The following CACNB4 variants were observed in gnomAD, a reference collection of about 807,000 sequenced individuals.
CACNB4 encodes voltage-dependent L-type calcium channel subunit beta-4.
CACNB4 carries 32 observed loss-of-function variants against 71.2 expected under a neutral mutation model. That is an observed-to-expected ratio of 0.45 (90% CI 0.34 to 0.60). The LOEUF (loss-of-function observed/expected upper bound fraction) is 0.60, where lower values mean the gene tolerates loss of function less well. Ranked by LOEUF, CACNB4 falls within the 20% of genes least tolerant of loss-of-function variation. CACNB4 has a pLI of 0.01. For synonymous variants in CACNB4, 231 were observed against 236.9 expected (o/e 0.97, Z 0.23); for missense variants, 464 against 647.9 (o/e 0.72, Z 3.08).
At chr2:151,864,228 A>G (rs1423059714) in intron 9 of CACNB4, among the ~76,000 whole-genome samples, 1 of 152,172 alleles carries the variant, frequency 6.6e-6, no homozygotes, top group Non-Finnish European at 1.5e-5. Context: ...TAGGTAAAAG[A>G]CTAATAGGAG....
At chr2:151,863,089 G>A (rs901022204) in intron 9 of CACNB4, among the ~76,000 whole-genome samples, 3 of 150,172 alleles carry the variant, frequency 2.0e-5, no homozygotes, top group East Asian at 2.0e-4. Flanking sequence ...TTTTTGAGTC[G>A]GAGTCTCGCT....
At chr2:151,955,846 G>A (rs1296925699) in intron 2 of CACNB4, among the ~76,000 whole-genome samples, 3 of 151,770 alleles carry the variant, frequency 2.0e-5, no homozygotes, top group African/African-American at 7.3e-5. Flanking sequence ...AGGCTGCAGT[G>A]AGCCATGATT....
chr2:151,867,777 G>A (rs2099843536), intron 9 of CACNB4: 3 of 152,154 alleles, frequency 2.0e-5, no homozygotes, highest in South Asian at 4.1e-4. Context: ...TCCAGGCCGG[G>A]CAAGCTGACT....
At chr2:151,959,162 T>C (rs926034092) in intron 2 of CACNB4, among the ~76,000 whole-genome samples, 3 of 152,230 alleles carry the variant, frequency 2.0e-5, no homozygotes, top group Non-Finnish European at 4.4e-5. Context: ...ACACTTTTTA[T>C]ACTTCTAAAG....
intron 2 of CACNB4, among the ~76,000 whole-genome samples, chr2:151,993,422 G>A (rs1345266205): frequency 1.3e-5 from 2 of 152,140 alleles, no homozygotes; most frequent in African/African-American, 4.8e-5. Context: ...AAGTGCCAAA[G>A]CAAGGATGAA....
chr2:152,001,526 TAAAAAAA>T (rs70974816), intron 2 of CACNB4, among the ~76,000 whole-genome samples: 2 of 35,466 alleles, frequency 5.6e-5, no homozygotes, highest in African/African-American at 9.8e-5. Flanking sequence ...CCATCTCTAC[TAAAAAAA>T]AAAAAAAAAA....
intron 2 of CACNB4, among the ~76,000 whole-genome samples, chr2:151,902,126 C>T (rs2099853614): frequency 6.6e-6 from 1 of 151,398 alleles, no homozygotes. Context: ...CTTTGACCTC[C>T]CTGGCTCAAG....
At chr2:152,052,858 T>C (rs1264391901) in intron 2 of CACNB4, among the ~76,000 whole-genome samples, 1 of 151,960 alleles carries the variant, frequency 6.6e-6, no homozygotes, top group Non-Finnish European at 1.5e-5. Context: ...GGCAGGCACC[T>C]GTAGTCTCAG....
At position 151,987,172 on chromosome 2, in the gene CACNB4, A is replaced by C. The variant is rs1207992456; in HGVS notation, c.148-103802T>G. 2.0e-5 allele frequency among the ~76,000 whole-genome samples: 3 copies of C among 152,242 alleles called. No individual in the cohort carries two copies. In the East Asian group the frequency reaches 5.8e-4, roughly 29 times the overall value. On this transcript the variant is annotated intron_variant, in intron 2 of 13. Coordinates refer to ENST00000539935, the MANE Select transcript of CACNB4 (RefSeq NM_000726.5). The stretch of plus-strand genomic sequence containing the variant: ...AAATGAATTATTCTATTTGCTCTGC[A>C]GACAACCTCCGCAACATATGAGCAC...
chr2:152,012,041 T>C (rs1445686429), intron 2 of CACNB4, among the ~76,000 whole-genome samples: 1 of 151,946 alleles, frequency 6.6e-6, no homozygotes, highest in Non-Finnish European at 1.5e-5. Flanking sequence ...TTCTGGTTTA[T>C]ATATTTACTA....
chr2:151,845,492 T>C (rs1307830123), intron 12 of CACNB4, among the ~76,000 whole-genome samples: 1 of 152,162 alleles, frequency 6.6e-6, no homozygotes, highest in Non-Finnish European at 1.5e-5. Flanking sequence ...AAAACAATTT[T>C]TAAAAATCAT....
chr2:151,910,905 A>C (rs1396684734), intron 2 of CACNB4, among the ~76,000 whole-genome samples: 3 of 152,172 alleles, frequency 2.0e-5, no homozygotes, highest in African/African-American at 7.2e-5. Flanking sequence ...GGCCATTTTC[A>C]CAATATTGAT....
At chr2:152,069,449 T>A (rs1378054926) in intron 2 of CACNB4, among the ~76,000 whole-genome samples, 3 of 150,932 alleles carry the variant, frequency 2.0e-5, no homozygotes, top group Non-Finnish European at 4.4e-5. Flanking sequence ...CACCAGATAC[T>A]CACCCCCAAC....
chr2:151,957,044 T>C (rs966561021), intron 2 of CACNB4, among the ~76,000 whole-genome samples: 1 of 152,120 alleles, frequency 6.6e-6, no homozygotes, highest in South Asian at 2.1e-4. Flanking sequence ...TCCCAGCTAC[T>C]TGGGAGGCTG....
chr2:151,997,737 A>G (rs1682145548), intron 2 of CACNB4, among the ~76,000 whole-genome samples: 1 of 152,118 alleles, frequency 6.6e-6, no homozygotes, highest in South Asian at 2.1e-4. Flanking sequence ...TTGATTTCCA[A>G]CTTCTGACCC....
chr2:151,935,288 C>T (rs1396273397), intron 2 of CACNB4, among the ~76,000 whole-genome samples: 1 of 152,170 alleles, frequency 6.6e-6, no homozygotes, highest in East Asian at 1.9e-4. Context: ...TACTTATTAA[C>T]TTTGCCTTTG....
chr2:152,069,054 G>C (rs1168282361), intron 2 of CACNB4, among the ~76,000 whole-genome samples: 1 of 152,194 alleles, frequency 6.6e-6, no homozygotes, highest in Non-Finnish European at 1.5e-5. Flanking sequence ...GTATGAGGGA[G>C]CTAACCCCTG....
Position 151,860,759 on chromosome 2 carries a change from G to T in CACNB4, c.820C>A (p.Pro274Thr). ...CGTTCAATTATTGCTCTCTTGCTGG[G>T]ATTATTTAGGACAGACCTCTTAGCA... Reference protein sequence around the residue: ...SLAKRSVLNNPSKRAIIERSN... With the variant: ...SLAKRSVLNNTSKRAIIERSN... The change falls in exon 10 of 14, where the codon CCC becomes ACC. Residue 274 changes from proline to threonine, a missense_variant. By Grantham distance (38) the Pro-to-Thr change is conservative (BLOSUM62 -1). Coordinates refer to ENST00000539935, the MANE Select transcript of CACNB4 (RefSeq NM_000726.5). 3 of 1,613,752 alleles carry T rather than the reference G, an allele frequency of 1.9e-6. No individual in the cohort carries two copies. The highest frequency in any genetic ancestry group is 2.5e-6 in the Non-Finnish European group (3 of 1,179,712).
Position 151,833,824 on chromosome 2 carries a change from A to G in CACNB4, c.*5295T>C, listed in dbSNP as rs2099834308. On this transcript the variant is annotated 3_prime_UTR_variant, in exon 14 of 14. Coordinates refer to ENST00000539935, the MANE Select transcript of CACNB4 (RefSeq NM_000726.5). The stretch of plus-strand genomic sequence containing the variant: ...TTATTGGCAAAATATATATTTTATA[A>G]TTTTGTACTGTACAATATGTTTTTG... 6.6e-6 allele frequency: 1 copy of G among 152,074 alleles called. No individual in the cohort carries two copies. The highest frequency in any genetic ancestry group is 2.4e-5 in the African/African-American group (1 of 41,438). The allele number at this position is 152,074 out of a possible 1,614,324, so 9.4% of individuals were successfully genotyped here.
Sources: gnomAD v4.1 joint callset for allele counts (sites outside exome capture counted in the v4.1 genomes callset) on GRCh38, gnomAD v4.1.1 for gene constraint, MANE v1.5 for transcripts, NCBI Gene and HGNC (gene_info 2026-07-23, HGNC 2026-07-21) for gene names.